The following FOXP1 variants were observed in gnomAD, a reference collection of about 807,000 sequenced individuals.
FOXP1 encodes forkhead box protein P1.
In FOXP1, 15 loss-of-function variants were observed where a neutral mutation model predicts 98.2. The ratio of observed to expected loss-of-function variants is 0.15; its 90% CI spans 0.10 to 0.24. The LOEUF (loss-of-function observed/expected upper bound fraction) is 0.24. Ranked by LOEUF, FOXP1 falls within the 10% of genes least tolerant of loss-of-function variation. The pLI is 1.00. For missense variants in FOXP1, 633 were observed against 848.5 expected, an observed-to-expected ratio of 0.75 and a Z score of 3.15; for synonymous variants, 371 against 314.5, an observed-to-expected ratio of 1.18 and a Z score of -1.90.
chr3:71,108,485 G>C lies in FOXP1; in HGVS notation c.282+4051C>G, dbSNP rs556875301. On this transcript the variant is annotated intron_variant, in intron 7 of 20. Transcript: ENST00000649528. Reference sequence around the variant, plus strand: ...TAAATATTTATAGAAGAAAGCCTATGCTGGGCACAGTGGCTCATGCCTGTA... The same window carrying C: ...TAAATATTTATAGAAGAAAGCCTATCCTGGGCACAGTGGCTCATGCCTGTA... Among the ~76,000 whole-genome samples the C allele has an allele frequency of 6.6e-5, 10 of 152,354 alleles. No homozygotes were observed. In the East Asian group the frequency reaches 1.9e-3, roughly 29 times the overall value.
At chr3:71,128,015 T>C (rs73838179) in intron 6 of FOXP1, among the ~76,000 whole-genome samples, 5,693 of 152,266 alleles carry the variant, frequency 0.037, 250 homozygotes, top group African/African-American at 0.11. Flanking sequence ...CGTTCCCTTA[T>C]ATAGTCAAGG....
At chr3:71,535,212 G>C (rs1334608640) in intron 2 of FOXP1, among the ~76,000 whole-genome samples, 1 of 152,284 alleles carries the variant, frequency 6.6e-6, no homozygotes, top group East Asian at 1.9e-4. Context: ...TGACTTCCAA[G>C]GCTCTGAAAG....
chr3:71,414,097 C>T (rs540316282), intron 3 of FOXP1, among the ~76,000 whole-genome samples: 4 of 152,100 alleles, frequency 2.6e-5, no homozygotes, highest in East Asian at 3.9e-4. Context: ...GAAAAGCCAC[C>T]GAGAAGCACC....
At position 71,370,795 on chromosome 3, in the gene FOXP1, G is replaced by GTT. The variant is rs1357412935; in HGVS notation, c.-167-11553_-167-11552dup. 1.2e-4 allele frequency among the ~76,000 whole-genome samples: 12 copies of GTT among 104,308 alleles called. No individual in the cohort carries two copies. In the South Asian group the frequency reaches 1.4e-3, roughly 12 times the overall value. The allele number at this position is 104,308 out of a possible 152,430, so 68.4% of individuals were successfully genotyped here. On this transcript the variant is annotated intron_variant, in intron 3 of 20. Transcript: ENST00000649528. ...AGGTCCCAACCCTAGAGTTTTTTTT[G>GTT]TTGTTTTTTTTTTTTTTTTTTACTG...
At chr3:71,350,163 T>C (rs899294287) in intron 4 of FOXP1, among the ~76,000 whole-genome samples, 2 of 152,202 alleles carry the variant, frequency 1.3e-5, no homozygotes, top group East Asian at 3.9e-4. Context: ...ATTCTTTATG[T>C]GACCTAAAAG....
At chr3:71,520,712 C>G (rs773437676) in intron 2 of FOXP1, among the ~76,000 whole-genome samples, 1 of 152,206 alleles carries the variant, frequency 6.6e-6, no homozygotes, top group Non-Finnish European at 1.5e-5. Context: ...AGAAACCTGT[C>G]GGTCTTGTGT....
intron 9 of FOXP1, 44 bp from the exon 10 acceptor site, chr3:71,047,139 G>A (rs770429484): frequency 1.1e-5 from 17 of 1,611,590 alleles, no homozygotes; most frequent in East Asian, 2.2e-5. Flanking sequence ...CACTTCCCAA[G>A]GAAGGTTAAA....
intron 7 of FOXP1, among the ~76,000 whole-genome samples, chr3:71,096,961 G>T (rs537218907): frequency 6.6e-6 from 1 of 152,284 alleles, no homozygotes; most frequent in Admixed American, 6.5e-5. Flanking sequence ...AAAGTGGGGT[G>T]TTAGGTGGCA....
At chr3:71,041,615 A>T in intron 10 of FOXP1, 83 bp from the exon 11 acceptor site, 1 of 1,373,102 alleles carries the variant, frequency 7.3e-7, no homozygotes, top group Non-Finnish European at 1.0e-6. Context: ...AAGAGTCAGT[A>T]AACAAAGCCT....
intron 7 of FOXP1, among the ~76,000 whole-genome samples, chr3:71,096,985 G>GA (rs2056520141): frequency 6.6e-6 from 1 of 152,084 alleles, no homozygotes; most frequent in East Asian, 1.9e-4. Context: ...CTGCGCAAAT[G>GA]AAAAAAATGG....
At chr3:71,382,525 T>C (rs2080260351) in intron 3 of FOXP1, among the ~76,000 whole-genome samples, 1 of 152,208 alleles carries the variant, frequency 6.6e-6, no homozygotes, top group Non-Finnish European at 1.5e-5. Flanking sequence ...CAAGTCCAAC[T>C]AGAGTTTCAA....
In FOXP1 at chr3:71,386,736, C is replaced by T. The variant is rs1417330210; in HGVS notation, c.-167-27492G>A. Reference sequence around the variant, plus strand: ...CTAGCCTGTTGACAAAGCAAGATTCCGTCTCAAAAAAAAAAAAAAAAAAAA... The same window carrying T: ...CTAGCCTGTTGACAAAGCAAGATTCTGTCTCAAAAAAAAAAAAAAAAAAAA... On this transcript the variant is annotated intron_variant, in intron 3 of 20. Transcript: ENST00000649528. Among the ~76,000 whole-genome samples, 18 of 88,160 alleles carry T rather than the reference C, an allele frequency of 2.0e-4. No homozygotes were observed. In the East Asian group the frequency reaches 4.7e-3, roughly 23 times the overall value. 57.8% of individuals were successfully genotyped at this position (88,160 alleles called of 152,430 possible). A position where few individuals can be genotyped will look rare whatever the true frequency, so the allele number is the denominator to read the frequency against.
chr3:71,264,045 C>T lies in FOXP1; in HGVS notation c.-12+35775G>A, dbSNP rs116022894. 4.5e-3 allele frequency among the ~76,000 whole-genome samples: 690 copies of T among 152,138 alleles called. 2 individuals carry two copies. Among genetic ancestry groups the T allele is most frequent in the African/African-American group, 0.012 (478 of 41,486 alleles). ...TAAGTACAGGAGTGAGCCATTGCACCCAGCCAGGAAACCCAGATTCAGAAA... is the reference window on the plus strand; with the variant it reads ...TAAGTACAGGAGTGAGCCATTGCACTCAGCCAGGAAACCCAGATTCAGAAA... On this transcript the variant is annotated intron_variant, in intron 5 of 20. Transcript: ENST00000649528.
intron 3 of FOXP1, among the ~76,000 whole-genome samples, chr3:71,377,996 C>T (rs951953603): frequency 4.0e-5 from 6 of 151,230 alleles, no homozygotes; most frequent in Admixed American, 2.6e-4. Flanking sequence ...CACACTGGTC[C>T]TGTTTTTTGT....
At chr3:70,988,653 T>C (rs1169139573) in intron 13 of FOXP1, among the ~76,000 whole-genome samples, 1 of 152,232 alleles carries the variant, frequency 6.6e-6, no homozygotes, top group African/African-American at 2.4e-5. Flanking sequence ...GTACCTGCTA[T>C]GTGCTAGTCT....
At chr3:71,499,447 C>A (rs1417455701) in intron 2 of FOXP1, among the ~76,000 whole-genome samples, 1 of 152,214 alleles carries the variant, frequency 6.6e-6, no homozygotes, top group Non-Finnish European at 1.5e-5. Context: ...TAAACACGCA[C>A]AAGTATACAT....
chr3:71,377,991 T>C (rs1284434895), intron 3 of FOXP1, among the ~76,000 whole-genome samples: 6 of 151,994 alleles, frequency 3.9e-5, no homozygotes, highest in South Asian at 2.1e-4. Context: ...GAAGCCACAC[T>C]GGTCCTGTTT....
At position 71,384,234 on chromosome 3, in the gene FOXP1, A is replaced by C. The variant is rs1370425097; in HGVS notation, c.-167-24990T>G. Among the ~76,000 whole-genome samples the C allele has an allele frequency of 4.4e-4, 67 of 152,156 alleles. 1 individual carries two copies. The highest frequency in any genetic ancestry group is 5.9e-5 in the Non-Finnish European group (4 of 68,020). On this transcript the variant is annotated intron_variant, in intron 3 of 20. Coordinates refer to ENST00000649528, the MANE Select transcript of FOXP1 (RefSeq NM_001349338.3). Reference sequence around the variant, plus strand: ...GTCTCAGCAAAACAAACAAACAAACAAACAAACAAACCAACAAACAAACAG... The same window carrying C: ...GTCTCAGCAAAACAAACAAACAAACCAACAAACAAACCAACAAACAAACAG...
chr3:71,038,661 C>CT (rs768412342), intron 11 of FOXP1, among the ~76,000 whole-genome samples: 300 of 140,668 alleles, frequency 2.1e-3, no homozygotes, highest in Admixed American at 3.6e-3. Context: ...CTAATCATTG[C>CT]TTTTTTTTTT....
Sources: gnomAD v4.1 joint callset for allele counts (sites outside exome capture counted in the v4.1 genomes callset) on GRCh38, gnomAD v4.1.1 for gene constraint, MANE v1.5 for transcripts, NCBI Gene and HGNC (gene_info 2026-07-23, HGNC 2026-07-21) for gene names.